The following KCNJ1 variants were observed in gnomAD, a reference collection of about 807,000 sequenced individuals.
The protein encoded by KCNJ1 is ATP-sensitive inward rectifier potassium channel 1.
In KCNJ1, 24 loss-of-function variants were observed where a neutral mutation model predicts 21.9. That is an observed-to-expected ratio of 1.10 (90% CI 0.79 to 1.54). The LOEUF is 1.54. Ranked by LOEUF, KCNJ1 falls within the 40% of genes most tolerant of loss-of-function variation. The probability of loss-of-function intolerance (pLI) is 0.00; values close to 1 mark genes in which losing one functional copy is unlikely to be tolerated. For missense variants in KCNJ1, 457 were observed against 455.4 expected (o/e 1.00, Z -0.03); for synonymous variants, 152 against 160.9 (o/e 0.94, Z 0.42).
At chr11:128,865,993 G>A (rs1943809605) in intron 1 of KCNJ1, among the ~76,000 whole-genome samples, 2 of 152,122 alleles carry the variant, frequency 1.3e-5, no homozygotes, top group Non-Finnish European at 2.9e-5. Flanking sequence ...TCCTTACACA[G>A]AAGAAATCCA....
At position 128,838,625 on chromosome 11, in the gene KCNJ1, T is replaced by A. The variant is rs1440563431; in HGVS notation, c.*500A>T. 3 of 161,396 alleles carry A rather than the reference T, an allele frequency of 1.9e-5. No homozygotes were observed. 10.0% of individuals were successfully genotyped at this position (161,396 alleles called of 1,614,324 possible). A position where few individuals can be genotyped will look rare whatever the true frequency, so the allele number is the denominator to read the frequency against. The stretch of plus-strand genomic sequence containing the variant: ...ATTGTTCTTTGTGTAAGCGTTTTCT[T>A]GTCATTGATTGGTTGGTTCATCTCC... On this transcript the variant is annotated 3_prime_UTR_variant, in exon 3 of 3. Coordinates refer to ENST00000392666, the MANE Select transcript of KCNJ1 (RefSeq NM_153766.3).
intron 2 of KCNJ1, chr11:128,842,411 C>A (rs1943298236): frequency 5.0e-6 from 8 of 1,613,832 alleles, no homozygotes; most frequent in Non-Finnish European, 6.8e-6. Flanking sequence ...CGACTGGAAG[C>A]ATTCATGGCT....
chr11:128,849,964 A>G (rs1349527503), intron 2 of KCNJ1, among the ~76,000 whole-genome samples: 1 of 151,864 alleles, frequency 6.6e-6, no homozygotes, highest in Admixed American at 6.6e-5. Context: ...AGCCCCATAC[A>G]CTCACTGCTC....
intron 2 of KCNJ1, among the ~76,000 whole-genome samples, chr11:128,843,217 T>G (rs796739360): frequency 6.6e-6 from 1 of 152,206 alleles, no homozygotes; most frequent in Non-Finnish European, 1.5e-5. Flanking sequence ...AGATCCTACT[T>G]TTTTTAGATA....
intron 1 of KCNJ1, among the ~76,000 whole-genome samples, chr11:128,857,168 G>A (rs610155): frequency 0.12 from 17,954 of 152,064 alleles, 1,249 homozygotes; most frequent in South Asian, 0.26. Flanking sequence ...GGGCTGCTCC[G>A]CTCTAGGCCT....
At position 128,859,212 on chromosome 11, in the gene KCNJ1, G is replaced by A. The variant is rs146294400; in HGVS notation, c.-192+7961C>T. Among the ~76,000 whole-genome samples, 367 of 152,324 alleles carry A rather than the reference G, an allele frequency of 2.4e-3. 1 individual carries two copies. The highest frequency in any genetic ancestry group is 8.3e-3 in the African/African-American group (344 of 41,560). On this transcript the variant is annotated intron_variant, in intron 1 of 2. Coordinates refer to ENST00000392666, the MANE Select transcript of KCNJ1 (RefSeq NM_153766.3). ...TCTGTTTGACAAGGAAGGGAACTGA[G>A]GTTTAGAGAATTTTAAAAACTCATA...
chr11:128,848,991 G>A (rs981522990), intron 2 of KCNJ1, among the ~76,000 whole-genome samples: 1 of 152,190 alleles, frequency 6.6e-6, no homozygotes, highest in Non-Finnish European at 1.5e-5. Context: ...CACACGCTGC[G>A]GCAGTCTCAG....
At chr11:128,866,908 A>G (rs932657917) in intron 1 of KCNJ1, among the ~76,000 whole-genome samples, 19 of 152,236 alleles carry the variant, frequency 1.2e-4, no homozygotes, top group Non-Finnish European at 2.2e-4. Flanking sequence ...ATCAGGCATG[A>G]TGCAACCAAA....
At chr11:128,865,286 TC>T (rs1370589718) in intron 1 of KCNJ1, among the ~76,000 whole-genome samples, 1 of 152,016 alleles carries the variant, frequency 6.6e-6, no homozygotes, top group East Asian at 1.9e-4. Context: ...TGTGTCACAG[TC>T]CCCACTCATC....
intron 1 of KCNJ1, among the ~76,000 whole-genome samples, chr11:128,858,135 T>TGAGGGAAGGCGAGGGTTGGG (rs1943622905): frequency 1.0e-5 from 1 of 95,520 alleles, no homozygotes; most frequent in Non-Finnish European, 2.1e-5. Context: ...GGAGGGATGG[T>TGAGGGAAGGCGAGGGTTGGG]GAGGGAAGGC....
intron 2 of KCNJ1, among the ~76,000 whole-genome samples, chr11:128,844,470 A>C (rs1328521283): frequency 6.6e-6 from 1 of 152,244 alleles, no homozygotes; most frequent in Non-Finnish European, 1.5e-5. Context: ...ATAAGTCTGA[A>C]GTCTCCTCCA....
rs1311180551 is a variant in KCNJ1, at chr11:128,839,682, G to A, written c.562C>T (p.Leu188Phe). 1.2e-6 allele frequency: 2 copies of A among 1,613,260 alleles called. No homozygotes were observed. Among genetic ancestry groups the A allele is most frequent in the African/African-American group, 2.7e-5 (2 of 75,020 alleles). Residue 188 changes from leucine to phenylalanine, a missense_variant, in exon 3 of 3, where the codon CTT becomes TTT. By Grantham distance (22) the Leu-to-Phe change is conservative. Transcript: ENST00000392666. ...NAVISKRGGK[L>F]CLLIRVANLR... ...TTAGCCACTCGGATTAGGAGGCAAA[G>A]CTTCCCTCCCCGTTTGCTGATCACT...
At chr11:128,849,708 C>T (rs1943448295) in intron 2 of KCNJ1, among the ~76,000 whole-genome samples, 1 of 152,074 alleles carries the variant, frequency 6.6e-6, no homozygotes, top group South Asian at 2.1e-4. Context: ...CAGCATCATA[C>T]TTTTTTTTGG....
At position 128,839,925 on chromosome 11, in the gene KCNJ1, T is replaced by A. The variant is rs1943250978; in HGVS notation, c.319A>T (p.Asn107Tyr). The A allele has an allele frequency of 1.9e-6, 3 of 1,614,132 alleles. No homozygotes were observed. Among genetic ancestry groups the A allele is most frequent in the East Asian group, 4.5e-5 (2 of 44,888 alleles). ...AACAGAAAAGCTGAGGTCAAGCCAT[T>A]AATATTCTCCACACAGGGAGTGTGA... Reference protein sequence around the residue: ...ANHTPCVENINGLTSAFLFSL... With the variant: ...ANHTPCVENIYGLTSAFLFSL... The change falls in exon 3 of 3, where the codon AAT (asparagine) becomes TAT (tyrosine). Residue 107 changes from asparagine (N) to tyrosine (Y), a missense_variant. Physicochemically the swap from Asn to Tyr is moderately radical, Grantham distance 143. Coordinates refer to ENST00000392666, the MANE Select transcript of KCNJ1 (RefSeq NM_153766.3).
intron 1 of KCNJ1, among the ~76,000 whole-genome samples, chr11:128,855,571 G>T (rs1252072227): frequency 6.6e-6 from 1 of 152,164 alleles, no homozygotes; most frequent in African/African-American, 2.4e-5. Context: ...AATAGTGAGG[G>T]GATAGGCTAT....
At chr11:128,864,370 C>T (rs1418200502) in intron 1 of KCNJ1, among the ~76,000 whole-genome samples, 2 of 152,088 alleles carry the variant, frequency 1.3e-5, no homozygotes, top group African/African-American at 4.8e-5. Flanking sequence ...TAAGCCACTG[C>T]ACCAGGCCTA....
rs370294434 is a variant in KCNJ1 at position 128,839,907 on chromosome 11, A to G, written c.337T>C (p.Phe113Leu). 6.2e-7 allele frequency: 1 copy of G among 1,614,056 alleles called. No individual in the cohort carries two copies. The highest frequency in any genetic ancestry group is 1.3e-5 in the African/African-American group (1 of 74,912). Residue 113 changes from phenylalanine to leucine, a missense_variant, in exon 3 of 3, where the codon TTT becomes CTT. Transcript: ENST00000392666. ...ACTTGAGTCTCCAGAGAAAACAGAA[A>G]AGCTGAGGTCAAGCCATTAATATTC... ...VENINGLTSAFLFSLETQVTI... is the reference protein window; with the variant it reads ...VENINGLTSALLFSLETQVTI...
intron 1 of KCNJ1, among the ~76,000 whole-genome samples, chr11:128,865,407 A>G (rs1054687461): frequency 1.3e-5 from 2 of 152,154 alleles, no homozygotes; most frequent in Admixed American, 1.3e-4. Context: ...GTGGTTTCCC[A>G]GGACCTAGCA....
intron 1 of KCNJ1, among the ~76,000 whole-genome samples, chr11:128,855,332 G>A (rs1376974331): frequency 6.6e-6 from 1 of 152,056 alleles, no homozygotes; most frequent in Non-Finnish European, 1.5e-5. Flanking sequence ...CCTTGCCAAG[G>A]TCCCCTGAGC....
Sources: gnomAD v4.1 joint callset for allele counts (sites outside exome capture counted in the v4.1 genomes callset) on GRCh38, gnomAD v4.1.1 for gene constraint, MANE v1.5 for transcripts, NCBI Gene and HGNC (gene_info 2026-07-23, HGNC 2026-07-21) for gene names.